The following FILIP1L variants were observed in gnomAD, a reference collection of about 807,000 sequenced individuals.
The protein encoded by FILIP1L is filamin A interacting protein 1 like, also known as filamin A-interacting protein 1-like.
In FILIP1L, 55 loss-of-function variants were observed where a neutral mutation model predicts 96.6. The observed-to-expected ratio is 0.57, with a 90% CI of 0.46 to 0.71. The LOEUF (loss-of-function observed/expected upper bound fraction) is 0.71. Among genes scored for constraint, FILIP1L ranks in the 30% least tolerant of loss-of-function variants. FILIP1L has a pLI of 0.00. For missense variants in FILIP1L, 1,304 were observed against 1,321.2 expected, an observed-to-expected ratio of 0.99 and a Z score of 0.20; for synonymous variants, 467 against 473.9, an observed-to-expected ratio of 0.99 and a Z score of 0.19.
In FILIP1L at chr3:99,849,063, G is replaced by A. The variant is rs371052210; in HGVS notation, c.2613C>T (p.Gly871=). 15 of 1,613,966 alleles carry A rather than the reference G, an allele frequency of 9.3e-6. No homozygotes were observed. The African/African-American group carries it at 2.0e-4, about 22-fold the overall frequency. The change falls in exon 5 of 6, where the codon GGC becomes GGT. Residue 871 remains glycine (G), a synonymous_variant. Coordinates refer to ENST00000477258, the MANE Select transcript of FILIP1L (RefSeq NM_001387850.1). ...TTTGCATTTTTCCATTCTGAAGATG[G>A]CCCTCCTTGGATTTCATCCAGGGAA... is the stretch of plus-strand genomic sequence containing the variant. ...LWIPWMKSKE[G]HLQNGKMQTK...
At chr3:100,074,949 C>T (rs1394740519) in intron 1 of FILIP1L, among the ~76,000 whole-genome samples, 1 of 152,072 alleles carries the variant, frequency 6.6e-6, no homozygotes, top group East Asian at 1.9e-4. Flanking sequence ...CAGCCTTATC[C>T]TCCCAAAGTG....
At chr3:100,026,661 A>G (rs941826087) in intron 1 of FILIP1L, among the ~76,000 whole-genome samples, 1 of 152,146 alleles carries the variant, frequency 6.6e-6, no homozygotes, top group Non-Finnish European at 1.5e-5. Flanking sequence ...CATCTAATTC[A>G]TCAGGAAATC....
chr3:100,036,834 A>G (rs961219187), intron 1 of FILIP1L, among the ~76,000 whole-genome samples: 3 of 152,168 alleles, frequency 2.0e-5, no homozygotes, highest in African/African-American at 7.2e-5. Context: ...AGTAGAACAA[A>G]TTGACATCTT....
chr3:99,924,143 A>G (rs1396993331), intron 4 of FILIP1L, 87 bp downstream of exon 4: 2 of 1,088,416 alleles, frequency 1.8e-6, no homozygotes, highest in Non-Finnish European at 2.7e-6. Context: ...AGACTGTGTC[A>G]TATTTATCTT....
intron 1 of FILIP1L, among the ~76,000 whole-genome samples, chr3:100,060,772 G>A (rs1234239982): frequency 6.6e-6 from 1 of 152,134 alleles, no homozygotes; most frequent in Non-Finnish European, 1.5e-5. Flanking sequence ...TGAGGTGGGA[G>A]GATAACGAGC....
chr3:99,897,575 G>C (rs999559015), intron 4 of FILIP1L, among the ~76,000 whole-genome samples: 1 of 151,938 alleles, frequency 6.6e-6, no homozygotes, highest in African/African-American at 2.4e-5. Context: ...TAATATTATT[G>C]CCAAGACAAT....
At chr3:99,950,049 G>T (rs932949307) in intron 1 of FILIP1L, among the ~76,000 whole-genome samples, 2 of 152,154 alleles carry the variant, frequency 1.3e-5, no homozygotes, top group Non-Finnish European at 2.9e-5. Context: ...ACCTGCTAAG[G>T]AGGATTGGGG....
At chr3:100,087,935 ATTCTCC>A (rs1402316260) in intron 1 of FILIP1L, among the ~76,000 whole-genome samples, 9 of 148,724 alleles carry the variant, frequency 6.1e-5, no homozygotes, top group Non-Finnish European at 1.5e-5. Flanking sequence ...GGTTCAAGCA[ATTCTCC>A]TGCCTCAGCC....
chr3:99,874,544 T>C (rs1263984467), intron 4 of FILIP1L: 1 of 152,204 alleles, frequency 6.6e-6, no homozygotes, highest in African/African-American at 2.4e-5. Flanking sequence ...ACCTGCAGTT[T>C]ATATAGCCTA....
At chr3:99,937,044 T>C (rs1707700369) in intron 1 of FILIP1L, among the ~76,000 whole-genome samples, 1 of 151,990 alleles carries the variant, frequency 6.6e-6, no homozygotes, top group Non-Finnish European at 1.5e-5. Context: ...TTCAAGCAAT[T>C]TTCCTGCCTC....
At chr3:100,016,867 T>C (rs971918138) in intron 1 of FILIP1L, among the ~76,000 whole-genome samples, 10 of 152,370 alleles carry the variant, frequency 6.6e-5, no homozygotes, top group African/African-American at 2.2e-4. Context: ...GTCTATGTTA[T>C]CTAATGGCAA....
At chr3:100,007,094 C>T (rs73859916) in intron 1 of FILIP1L, among the ~76,000 whole-genome samples, 2,246 of 152,248 alleles carry the variant, frequency 0.015, 55 homozygotes, top group African/African-American at 0.052. Flanking sequence ...TTTTCTGACT[C>T]GCTTTTTCTT....
rs1014334954 is a variant in FILIP1L, at chr3:99,829,168, A to T, written c.*1246T>A. 6.6e-6 allele frequency among the ~76,000 whole-genome samples: 1 copy of T among 152,216 alleles called. No homozygotes were observed. The highest frequency in any genetic ancestry group is 1.5e-5 in the Non-Finnish European group (1 of 68,042). On this transcript the variant is annotated 3_prime_UTR_variant, in exon 6 of 6. Coordinates refer to ENST00000477258, the MANE Select transcript of FILIP1L (RefSeq NM_001387850.1). ...GTCCTTAACCATGAGGATTTCTTCCAGGGTCATGCTTCCAGTTTTTAGTGA... is the reference window on the plus strand; with the variant it reads ...GTCCTTAACCATGAGGATTTCTTCCTGGGTCATGCTTCCAGTTTTTAGTGA...
intron 1 of FILIP1L, among the ~76,000 whole-genome samples, chr3:100,066,848 A>G (rs535805854): frequency 6.6e-6 from 1 of 151,912 alleles, no homozygotes; most frequent in East Asian, 1.9e-4. Flanking sequence ...GACCAGACCA[A>G]CTCCTGAAAT....
Position 99,991,999 on chromosome 3 carries a change from T to C in FILIP1L, c.-10-60969A>G, listed in dbSNP as rs1462443542. Among the ~76,000 whole-genome samples the C allele has an allele frequency of 8.6e-5, 13 of 150,552 alleles. No homozygotes were observed. In the East Asian group the frequency reaches 1.8e-3, roughly 20 times the overall value. ...ACATATATGTGTATATATACGTATATATATGTGTGTGTGTATATATATATA... is the reference window on the plus strand; with the variant it reads ...ACATATATGTGTATATATACGTATACATATGTGTGTGTGTATATATATATA... On this transcript the variant is annotated intron_variant, in intron 1 of 5. Transcript: ENST00000477258.
At chr3:99,944,729 T>G (rs980846896) in intron 1 of FILIP1L, among the ~76,000 whole-genome samples, 1 of 152,204 alleles carries the variant, frequency 6.6e-6, no homozygotes, top group Non-Finnish European at 1.5e-5. Context: ...ATTCCTTCTC[T>G]TTAGGAAGAA....
intron 1 of FILIP1L, among the ~76,000 whole-genome samples, chr3:99,990,626 A>G (rs1709483906): frequency 6.6e-6 from 1 of 152,200 alleles, no homozygotes; most frequent in South Asian, 2.1e-4. Flanking sequence ...AACCAATTAA[A>G]TCAGAATCTT....
intron 1 of FILIP1L, among the ~76,000 whole-genome samples, chr3:100,054,154 T>A (rs1377070391): frequency 6.6e-6 from 1 of 152,234 alleles, no homozygotes. Flanking sequence ...TTTAAATCCC[T>A]TCCTTAACCA....
intron 1 of FILIP1L, among the ~76,000 whole-genome samples, chr3:100,070,027 C>T (rs964627101): frequency 1.3e-5 from 2 of 151,954 alleles, no homozygotes; most frequent in African/African-American, 2.4e-5. Flanking sequence ...AAATAAAAAA[C>T]TCATGCGTTA....
Sources: gnomAD v4.1 joint callset for allele counts (sites outside exome capture counted in the v4.1 genomes callset) on GRCh38, gnomAD v4.1.1 for gene constraint, MANE v1.5 for transcripts, NCBI Gene and HGNC (gene_info 2026-07-23, HGNC 2026-07-21) for gene names.